Variants in SMARCA4 observed in about 807,000 individuals in gnomAD.
The protein encoded by SMARCA4 is SWI/SNF related BAF chromatin remodeling complex subunit ATPase 4, also known as SWI/SNF-related matrix-associated actin-dependent regulator of chromatin subfamily A member 4.
In SMARCA4, 31 loss-of-function variants were observed where a neutral mutation model predicts 193.9. The ratio of observed to expected loss-of-function variants is 0.16; its 90% CI spans 0.12 to 0.22. The LOEUF (loss-of-function observed/expected upper bound fraction) is 0.22. SMARCA4 is among the 10% of genes least tolerant of loss of function. The probability of loss-of-function intolerance (pLI) is 1.00; values close to 1 mark genes in which losing one functional copy is unlikely to be tolerated. For synonymous variants in SMARCA4, 942 were observed against 933.1 expected (o/e 1.01, Z -0.17); for missense variants, 1,148 against 2,296.0 (o/e 0.50, Z 10.22).
chr19:11,047,260 C>T (rs1290380493), intron 30 of SMARCA4, among the ~76,000 whole-genome samples: 2 of 152,058 alleles, frequency 1.3e-5, no homozygotes, highest in Non-Finnish European at 2.9e-5. Flanking sequence ...CTCTTGGGGG[C>T]CAAGGTGGGC....
rs576168364 is a variant in SMARCA4 at position 11,058,079 on chromosome 19, C to T, written c.4425-176C>T. Among the ~76,000 whole-genome samples, 462 of 151,098 alleles carry T rather than the reference C, an allele frequency of 3.1e-3. 1 individual carries two copies. The highest frequency in any genetic ancestry group is 0.01 in the African/African-American group (425 of 41,248). On this transcript the variant is annotated intron_variant, in intron 30 of 34. Coordinates refer to ENST00000344626, the MANE Select transcript of SMARCA4 (RefSeq NM_003072.5). This position sits in a 1 kb window ranked among gnomAD's most constrained non-coding sequence, Gnocchi z 5.8. The stretch of plus-strand genomic sequence containing the variant: ...CGAGATCGCACCATTGCACTCCAGC[C>T]TGGGCAGCAAGAGCGAAACTCCGTC...
At chr19:10,968,959 T>A (rs953706710) in intron 1 of SMARCA4, among the ~76,000 whole-genome samples, 1 of 152,212 alleles carries the variant, frequency 6.6e-6, no homozygotes, top group African/African-American at 2.4e-5. Flanking sequence ...TGGGAGTGGC[T>A]CTTTACTTGC....
rs2086347682 is a variant in SMARCA4, at chr19:10,989,327, C to T, written c.1129C>T (p.Arg377Cys). 1 of 1,613,936 alleles carries T rather than the reference C, an allele frequency of 6.2e-7. No individual in the cohort carries two copies. The highest frequency in any genetic ancestry group is 1.3e-5 in the African/African-American group (1 of 74,932). The change falls in exon 7 of 35, where the codon CGC becomes TGC. Residue 377 changes from arginine to cysteine, a missense_variant. Coordinates refer to ENST00000344626, the MANE Select transcript of SMARCA4 (RefSeq NM_003072.5). ...TGTCTCTGCTCCCAGGCTGCAGGCT[C>T]GCATCGCACACCGAATTCAGGAACT... ...LQEREYRLQARIAHRIQELEN... is the reference protein window; with the variant it reads ...LQEREYRLQACIAHRIQELEN...
At chr19:11,039,355 G>GA in intron 29 of SMARCA4, 2 of 623,856 alleles carry the variant, frequency 3.2e-6, no homozygotes, top group Non-Finnish European at 2.7e-6. Flanking sequence ...CCCTGTCTCT[G>GA]AAAAAAAGGG....
At chr19:11,011,113 C>T (rs1272194710) in intron 15 of SMARCA4, 1 of 187,466 alleles carries the variant, frequency 5.3e-6, no homozygotes, top group Non-Finnish European at 1.1e-5. Flanking sequence ...CAGAGCTGCT[C>T]ATGCTCTTAA....
intron 11 of SMARCA4, among the ~76,000 whole-genome samples, chr19:10,999,352 T>C (rs1445493856): frequency 6.6e-6 from 1 of 152,204 alleles, no homozygotes. Flanking sequence ...TCTGCATTGC[T>C]GTTTGTATAT....
rs897942664 is a variant in SMARCA4 at position 11,030,423 on chromosome 19, G to T, written c.3383-307G>T. On this transcript the variant is annotated intron_variant, in intron 24 of 34. Transcript: ENST00000344626. This position sits in a 1 kb window ranked among gnomAD's most constrained non-coding sequence, Gnocchi z 5.5. The stretch of plus-strand genomic sequence containing the variant: ...CTGTGGTGGTGGTGGCTGTGCTGAC[G>T]CTGGACGCTGTGGCCTAGCTGTGGG... Among the ~76,000 whole-genome samples, 1 of 152,238 alleles carries T rather than the reference G, an allele frequency of 6.6e-6. No homozygotes were observed. The highest frequency in any genetic ancestry group is 2.4e-5 in the African/African-American group (1 of 41,468).
chr19:11,034,855 C>G lies in SMARCA4; in HGVS notation c.3952-59C>G, dbSNP rs1158737475. ...CTTCTGAACTCTCGGTGTTCTGGCT[C>G]TAGCGTGCCCCTGGTGCCTGCATGC... On this transcript the variant is annotated intron_variant, in intron 28 of 34. Coordinates refer to ENST00000344626, the MANE Select transcript of SMARCA4 (RefSeq NM_003072.5). The surrounding 1 kb of genome is among the most constrained non-coding windows in gnomAD (Gnocchi z 7.0). 8.8e-6 allele frequency: 10 copies of G among 1,137,430 alleles called. No homozygotes were observed. The highest frequency in any genetic ancestry group is 7.9e-5 in the South Asian group (6 of 75,742). The allele number at this position is 1,137,430 out of a possible 1,614,324, so 70.5% of individuals were successfully genotyped here. A position where few individuals can be genotyped will look rare whatever the true frequency, so the allele number is the denominator to read the frequency against.
intron 1 of SMARCA4, among the ~76,000 whole-genome samples, chr19:10,971,219 G>A (rs1330490240): frequency 6.6e-6 from 1 of 151,946 alleles, no homozygotes; most frequent in Non-Finnish European, 1.5e-5. Context: ...AAGAAACAGA[G>A]TGTGTTTTCC....
intron 8 of SMARCA4, among the ~76,000 whole-genome samples, chr19:10,993,619 C>T (rs1220432857): frequency 6.6e-6 from 1 of 152,054 alleles, no homozygotes; most frequent in East Asian, 1.9e-4. Flanking sequence ...TGTTTGAGGG[C>T]CTTTCCCACC....
At chr19:11,018,785 G>T (rs1457792425) in intron 16 of SMARCA4, 172 bp from the exon 17 acceptor site, 1 of 731,196 alleles carries the variant, frequency 1.4e-6, no homozygotes, top group Non-Finnish European at 2.5e-6. Context: ...TCACGTCCTC[G>T]CCAGTCTCTC....
intron 1 of SMARCA4, among the ~76,000 whole-genome samples, chr19:10,981,544 G>T (rs780415020): frequency 5.9e-5 from 9 of 152,218 alleles, no homozygotes; most frequent in Non-Finnish European, 8.8e-5. Flanking sequence ...GTTTGTTTAT[G>T]TCAGGGGCCA....
chr19:10,987,646 G>A lies in SMARCA4; in HGVS notation c.860-20G>A, dbSNP rs761006083. 3 of 1,612,740 alleles carry A rather than the reference G, an allele frequency of 1.9e-6. No homozygotes were observed. Among genetic ancestry groups the A allele is most frequent in the African/African-American group, 1.3e-5 (1 of 74,884 alleles). ...GCCCCAGAGCTCAACATGACGCCCTGGCCCCTTGCCTTCTCCCAGGACCCA... is the reference window on the plus strand; with the variant it reads ...GCCCCAGAGCTCAACATGACGCCCTAGCCCCTTGCCTTCTCCCAGGACCCA... On this transcript the variant is annotated intron_variant, in intron 5 of 34. Transcript: ENST00000344626. The surrounding 1 kb of genome is among the most constrained non-coding windows in gnomAD (Gnocchi z 5.3).
At position 11,030,222 on chromosome 19, in the gene SMARCA4, C is replaced by CT. The variant is rs1338030509; in HGVS notation, c.3383-507dup. ...CTCCATGCTTTTACCGTAGAAGATT[C>CT]TCTTTGTGAACCACAAAACTTTTTG... On this transcript the variant is annotated intron_variant, in intron 24 of 34. Coordinates refer to ENST00000344626, the MANE Select transcript of SMARCA4 (RefSeq NM_003072.5). This position sits in a 1 kb window ranked among gnomAD's most constrained non-coding sequence, Gnocchi z 5.5. Among the ~76,000 whole-genome samples, 1 of 152,234 alleles carries CT rather than the reference C, an allele frequency of 6.6e-6. No homozygotes were observed. Among genetic ancestry groups the CT allele is most frequent in the Non-Finnish European group, 1.5e-5 (1 of 68,042 alleles).
At position 10,969,856 on chromosome 19, in the gene SMARCA4, C is replaced by T. The variant is rs968503220; in HGVS notation, c.-32+8682C>T. Among the ~76,000 whole-genome samples the T allele has an allele frequency of 3.9e-5, 6 of 152,194 alleles. No individual in the cohort carries two copies. In the East Asian group the frequency reaches 5.8e-4, roughly 15 times the overall value. ...AGAGAAATTAAAGTCATTATCAGAC[C>T]GTGCCACTCCCGTGCCTGGAACATT... is the stretch of plus-strand genomic sequence containing the variant. On this transcript the variant is annotated intron_variant, in intron 1 of 34. Coordinates refer to ENST00000344626, the MANE Select transcript of SMARCA4 (RefSeq NM_003072.5).
At position 10,986,881 on chromosome 19, in the gene SMARCA4, T is replaced by A. The variant is rs761381103; in HGVS notation, c.761-24T>A. ...CATAAACCTGGGACGCACTGTTTTCTCTTTTGTTTCTCCCTACATGTAGGT... is the reference window on the plus strand; with the variant it reads ...CATAAACCTGGGACGCACTGTTTTCACTTTTGTTTCTCCCTACATGTAGGT... On this transcript the variant is annotated intron_variant, in intron 4 of 34. Transcript: ENST00000344626. This position sits in a 1 kb window ranked among gnomAD's most constrained non-coding sequence, Gnocchi z 6.7. 2 of 1,586,554 alleles carry A rather than the reference T, an allele frequency of 1.3e-6. No individual in the cohort carries two copies. The highest frequency in any genetic ancestry group is 1.7e-6 in the Non-Finnish European group (2 of 1,155,472).
Position 11,012,831 on chromosome 19 carries a change from G to A in SMARCA4, c.2275-118G>A, listed in dbSNP as rs374139017. On this transcript the variant is annotated intron_variant, in intron 15 of 34. Coordinates refer to ENST00000344626, the MANE Select transcript of SMARCA4 (RefSeq NM_003072.5). The stretch of plus-strand genomic sequence containing the variant: ...AAATCCGTGGTAAAGGCAGTAGAGG[G>A]TGGGATGTGGCTTAGGCAGAACTCG... 16 of 866,274 alleles carry A rather than the reference G, an allele frequency of 1.8e-5. No individual in the cohort carries two copies. The East Asian group carries it at 2.5e-4, about 14-fold the overall frequency. 53.7% of individuals were successfully genotyped at this position (866,274 alleles called of 1,614,324 possible).
At chr19:10,968,188 G>A (rs1214380233) in intron 1 of SMARCA4, among the ~76,000 whole-genome samples, 1 of 152,124 alleles carries the variant, frequency 6.6e-6, no homozygotes, top group African/African-American at 2.4e-5. Context: ...GGGTTTCTCC[G>A]TGTTGGTCAG....
chr19:11,046,214 C>T (rs1011771479), intron 30 of SMARCA4, among the ~76,000 whole-genome samples: 112 of 150,062 alleles, frequency 7.5e-4, no homozygotes, highest in Admixed American at 1.2e-3. Context: ...CAGAGCGAGA[C>T]TCCGTCTCAA....
Sources: gnomAD v4.1 joint callset for allele counts (sites outside exome capture counted in the v4.1 genomes callset) on GRCh38, gnomAD v4.1.1 for gene constraint, Gnocchi (gnomAD v3.1) non-coding constraint, MANE v1.5 for transcripts, NCBI Gene and HGNC (gene_info 2026-07-23, HGNC 2026-07-21) for gene names.